Variants in KCNJ4 observed in about 807,000 individuals in gnomAD.
KCNJ4 encodes inward rectifier potassium channel 4.
A neutral mutation model predicts 25.6 loss-of-function variants in KCNJ4; 3 were observed. That is an observed-to-expected ratio of 0.12 (90% CI 0.05 to 0.30). The LOEUF (loss-of-function observed/expected upper bound fraction) is 0.30. Ranked by LOEUF, KCNJ4 falls within the 10% of genes least tolerant of loss-of-function variation. The pLI, the probability that KCNJ4 is intolerant of heterozygous loss-of-function variation, is 1.00. For synonymous variants in KCNJ4, 257 were observed against 283.9 expected (o/e 0.91, Z 0.95); for missense variants, 286 against 666.8 (o/e 0.43, Z 6.29).
At chr22:38,454,478 C>T (rs1021667827) in intron 1 of KCNJ4, among the ~76,000 whole-genome samples, 4 of 152,226 alleles carry the variant, frequency 2.6e-5, no homozygotes, top group Non-Finnish European at 5.9e-5. Flanking sequence ...AGTGCCTCCT[C>T]TACCAATCCC....
At chr22:38,432,027 G>A (rs1010915868) in intron 1 of KCNJ4, among the ~76,000 whole-genome samples, 5 of 151,720 alleles carry the variant, frequency 3.3e-5, no homozygotes, top group Admixed American at 1.3e-4. Context: ...AGGCTGAAGC[G>A]GGCGGATCAC....
rs962967760 is a variant in KCNJ4 at position 38,436,803 on chromosome 22, G to A, written c.-39-8632C>T. ...TGTTTTAGAAGAAAACCAAGGCACA[G>A]AGAGGTTCAGCAACTTGCCCAAGGT... On this transcript the variant is annotated intron_variant, in intron 1 of 1. Transcript: ENST00000303592. Among the ~76,000 whole-genome samples the A allele has an allele frequency of 2.6e-5, 4 of 152,204 alleles. No homozygotes were observed. In the South Asian group the frequency reaches 8.3e-4, roughly 31 times the overall value.
At position 38,428,105 on chromosome 22, in the gene KCNJ4, C is replaced by G; in HGVS notation, c.28G>C (p.Ala10Pro). Residue 10 changes from alanine (A) to proline (P), a missense_variant, in exon 2 of 2, where the codon GCC becomes CCC. Around this residue, in one of 11 missense-constraint regions of KCNJ4, gnomAD observed 32 missense variants for 38.4 expected, o/e 0.83. Transcript: ENST00000303592. ...CGGCGCTTCCGCCGGGGCACGTGGG[C>G]CTGGCCGTTGCGGCTGTGTCCGTGC... is the stretch of plus-strand genomic sequence containing the variant. The part of the protein sequence containing the change: MHGHSRNGQ[A>P]HVPRRKRRNR... 6.2e-7 allele frequency: 1 copy of G among 1,612,800 alleles called. No homozygotes were observed.
chr22:38,448,510 G>A (rs2089391051), intron 1 of KCNJ4, among the ~76,000 whole-genome samples: 1 of 152,138 alleles, frequency 6.6e-6, no homozygotes, highest in Non-Finnish European at 1.5e-5. Context: ...CTGTGACCAG[G>A]GAGTGCTGCC....
chr22:38,450,112 G>A (rs1165085302), intron 1 of KCNJ4, among the ~76,000 whole-genome samples: 1 of 152,206 alleles, frequency 6.6e-6, no homozygotes, highest in African/African-American at 2.4e-5. Context: ...CCCACGTAGC[G>A]AGGGGAAGAG....
chr22:38,441,309 G>A (rs1437610513), intron 1 of KCNJ4, among the ~76,000 whole-genome samples: 3 of 152,196 alleles, frequency 2.0e-5, no homozygotes. Context: ...TGGGCAGAAA[G>A]GGAGGTGCTG....
At position 38,443,789 on chromosome 22, in the gene KCNJ4, C is replaced by T. The variant is rs1350495101; in HGVS notation, c.-40+11191G>A. Among the ~76,000 whole-genome samples, 2 of 152,132 alleles carry T rather than the reference C, an allele frequency of 1.3e-5. No individual in the cohort carries two copies. Among genetic ancestry groups the T allele is most frequent in the Non-Finnish European group, 2.9e-5 (2 of 68,016 alleles). Reference sequence around the variant, plus strand: ...GCCCACAGTCTCTGCCCACCACCTCCTCCCACAGCCTCCACCCACCTCCCG... The same window carrying T: ...GCCCACAGTCTCTGCCCACCACCTCTTCCCACAGCCTCCACCCACCTCCCG... On this transcript the variant is annotated intron_variant, in intron 1 of 1. Coordinates refer to ENST00000303592, the MANE Select transcript of KCNJ4 (RefSeq NM_152868.3). The surrounding 1 kb of genome is among the most constrained non-coding windows in gnomAD (Gnocchi z 4.1).
chr22:38,439,151 G>A (rs561601300), intron 1 of KCNJ4, among the ~76,000 whole-genome samples: 5 of 152,262 alleles, frequency 3.3e-5, no homozygotes, highest in African/African-American at 1.2e-4. Flanking sequence ...GGCTGAGGTG[G>A]GAGGATGGCT....
intron 1 of KCNJ4, among the ~76,000 whole-genome samples, chr22:38,431,404 G>A (rs543298696): frequency 3.3e-5 from 5 of 152,242 alleles, no homozygotes; most frequent in South Asian, 2.1e-4. Context: ...CAGCCCCAGC[G>A]GCAACACTCA....
Position 38,443,879 on chromosome 22 carries a change from C to A in KCNJ4, c.-40+11101G>T, listed in dbSNP as rs1310719451. Among the ~76,000 whole-genome samples, 2 of 152,156 alleles carry A rather than the reference C, an allele frequency of 1.3e-5. No homozygotes were observed. Among genetic ancestry groups the A allele is most frequent in the African/African-American group, 4.8e-5 (2 of 41,424 alleles). ...CTCCCCAGGGCACTCGGGATGAACG[C>A]CCCGCCTCAGAGAGGTCCTGCCCTC... On this transcript the variant is annotated intron_variant, in intron 1 of 1. Coordinates refer to ENST00000303592, the MANE Select transcript of KCNJ4 (RefSeq NM_152868.3). This position sits in a 1 kb window ranked among gnomAD's most constrained non-coding sequence, Gnocchi z 4.1.
Position 38,427,176 on chromosome 22 carries a change from C to T in KCNJ4, c.957G>A (p.Glu319=), listed in dbSNP as rs201945490. 55 of 1,613,234 alleles carry T rather than the reference C, an allele frequency of 3.4e-5. No homozygotes were observed. The highest frequency in any genetic ancestry group is 3.3e-4 in the Middle Eastern group (2 of 6,084). The change falls in exon 2 of 2, where the codon GAG becomes GAA. Residue 319 remains glutamate, a synonymous_variant. Transcript: ENST00000303592. ...GGCTCTTCTCCTCGAAGACCACAGGCTCAAAGCGGTGGCCCCACAGGATCT... is the reference window on the plus strand; with the variant it reads ...GGCTCTTCTCCTCGAAGACCACAGGTTCAAAGCGGTGGCCCCACAGGATCT... ...ASEILWGHRF[E]PVVFEEKSHY... is the part of the protein sequence containing the mutation.
chr22:38,431,219 T>G (rs2093048721), intron 1 of KCNJ4, among the ~76,000 whole-genome samples: 1 of 152,024 alleles, frequency 6.6e-6, no homozygotes, highest in Admixed American at 6.5e-5. Context: ...ACATGGCGAG[T>G]TCACCTGGTG....
chr22:38,451,792 G>A (rs764263627), intron 1 of KCNJ4, among the ~76,000 whole-genome samples: 14 of 151,448 alleles, frequency 9.2e-5, no homozygotes, highest in African/African-American at 1.5e-4. Flanking sequence ...TGCTTCCTCC[G>A]CCCACAAACC....
chr22:38,434,275 C>G (rs1602635956), intron 1 of KCNJ4, among the ~76,000 whole-genome samples: 1 of 84,660 alleles, frequency 1.2e-5, no homozygotes, highest in African/African-American at 3.0e-5. Context: ...ATGTGACTGG[C>G]CTGAGGTCAC....
chr22:38,454,035 G>A (rs558791084), intron 1 of KCNJ4, among the ~76,000 whole-genome samples: 2 of 152,326 alleles, frequency 1.3e-5, no homozygotes, highest in African/African-American at 4.8e-5. Context: ...CAAAAGGCCT[G>A]AAGCCATGGA....
intron 1 of KCNJ4, among the ~76,000 whole-genome samples, chr22:38,447,152 G>A (rs2089380757): frequency 6.6e-6 from 1 of 152,098 alleles, no homozygotes. Context: ...GGTAGGGGAG[G>A]GGGAGGTGGG....
intron 1 of KCNJ4, among the ~76,000 whole-genome samples, chr22:38,448,348 G>A (rs917049106): frequency 4.0e-5 from 6 of 151,350 alleles, no homozygotes; most frequent in African/African-American, 7.3e-5. Context: ...GGCTGAGCAC[G>A]CCCCACCATC....
At chr22:38,433,697 G>A (rs186193826) in intron 1 of KCNJ4, among the ~76,000 whole-genome samples, 3 of 152,222 alleles carry the variant, frequency 2.0e-5, no homozygotes, top group Admixed American at 2.0e-4. Flanking sequence ...TGGGGAAACC[G>A]AGGCCAAGAA....
At chr22:38,439,328 A>G (rs1185627423) in intron 1 of KCNJ4, among the ~76,000 whole-genome samples, 5 of 152,154 alleles carry the variant, frequency 3.3e-5, no homozygotes, top group Admixed American at 3.3e-4. Flanking sequence ...GCTCCTCAGG[A>G]GGCTGAGGCA....
Sources: gnomAD v4.1 joint callset for allele counts (sites outside exome capture counted in the v4.1 genomes callset) on GRCh38, gnomAD v4.1.1 for gene constraint, gnomAD v4.1.1 regional missense constraint, Gnocchi (gnomAD v3.1) non-coding constraint, MANE v1.5 for transcripts, NCBI Gene and HGNC (gene_info 2026-07-23, HGNC 2026-07-21) for gene names.